CELF2: variants seen among roughly 807,000 people sequenced by gnomAD.
CELF2 encodes the protein CUGBP Elav-like family member 2.
Under a neutral mutation model 62.6 loss-of-function variants are expected in CELF2, and 8 were observed. That is an observed-to-expected ratio of 0.13 (90% CI 0.07 to 0.23). The LOEUF (loss-of-function observed/expected upper bound fraction) is 0.23. CELF2 is among the 10% of genes least tolerant of loss of function. The probability of loss-of-function intolerance (pLI) is 1.00; values close to 1 mark genes in which losing one functional copy is unlikely to be tolerated. For synonymous variants in CELF2, 258 were observed against 250.0 expected, an observed-to-expected ratio of 1.03 and a Z score of -0.30; for missense variants, 333 against 671.0, an observed-to-expected ratio of 0.50 and a Z score of 5.56.
chr10:10,795,077 AT>A (rs2054061124), upstream of CELF2: 1 of 151,874 alleles, frequency 6.6e-6, no homozygotes, highest in Non-Finnish European at 1.5e-5. Context: ...AGTGGGCTTT[AT>A]TTTTGTTTGG....
At position 11,244,658 on chromosome 10, in the gene CELF2, C is replaced by CAAA. The variant is rs35750059; in HGVS notation, c.355-4484_355-4482dup. Among the ~76,000 whole-genome samples, 9 of 142,368 alleles carry CAAA rather than the reference C, an allele frequency of 6.3e-5. No homozygotes were observed. Among genetic ancestry groups the CAAA allele is most frequent in the African/African-American group, 1.3e-4 (5 of 38,764 alleles). The allele number at this position is 142,368 out of a possible 152,430, so 93.4% of individuals were successfully genotyped here. A position where few individuals can be genotyped will look rare whatever the true frequency, so the allele number is the denominator to read the frequency against. On this transcript the variant is annotated intron_variant, in intron 3 of 12. Coordinates refer to ENST00000633077, the MANE Select transcript of CELF2 (RefSeq NM_001326342.2). The surrounding 1 kb of genome is among the most constrained non-coding windows in gnomAD (Gnocchi z 4.2). The stretch of plus-strand genomic sequence containing the variant: ...TAGGTGACAGAGCAAGACTCCGTCT[C>CAAA]AAAAAAAAAAAAACAGCATAAAAAC...
intron 2 of CELF2, among the ~76,000 whole-genome samples, chr10:10,973,281 A>G (rs1446038483): frequency 1.7e-5 from 2 of 120,728 alleles, no homozygotes; most frequent in Non-Finnish European, 3.0e-5. Context: ...ACTCTGTCTC[A>G]AAAAAACAAA....
the CELF2 span, among the ~76,000 whole-genome samples, chr10:10,540,956 G>A: frequency 1.1e-4 from 16 of 152,032 alleles, no homozygotes; most frequent in African/African-American, 1.9e-4. Context: ...AGGCCGAGGC[G>A]TGTGGATCAC....
rs553664382 is a variant in CELF2, at chr10:11,020,036, C to A, written c.74+1873C>A. On this transcript the variant is annotated intron_variant, in intron 1 of 12. Coordinates refer to ENST00000633077, the MANE Select transcript of CELF2 (RefSeq NM_001326342.2). ...GCCTCAGAAAGATGCAGTTTCTTGT[C>A]AATTAAATTATGAATTACAAAAATT... Among the ~76,000 whole-genome samples, 24 of 152,276 alleles carry A rather than the reference C, an allele frequency of 1.6e-4. No homozygotes were observed. The East Asian group carries it at 4.2e-3, about 27-fold the overall frequency.
At chr10:10,838,376 A>G (rs2058448657) in intron 1 of CELF2, among the ~76,000 whole-genome samples, 1 of 152,136 alleles carries the variant, frequency 6.6e-6, no homozygotes, top group Non-Finnish European at 1.5e-5. Context: ...CTACAAAGTT[A>G]TTCTTTCTCC....
At chr10:10,678,708 T>C in the CELF2 span, among the ~76,000 whole-genome samples, 1 of 152,224 alleles carries the variant, frequency 6.6e-6, no homozygotes, top group Non-Finnish European at 1.5e-5. Flanking sequence ...AAAAACTGTT[T>C]TAAGCACACA....
intron 2 of CELF2, among the ~76,000 whole-genome samples, chr10:10,967,583 G>A (rs1480886389): frequency 6.6e-6 from 1 of 152,250 alleles, no homozygotes; most frequent in African/African-American, 2.4e-5. Flanking sequence ...GTGACCCTGA[G>A]TGCAGGAAGG....
chr10:10,853,724 C>T (rs1238100807), intron 1 of CELF2, among the ~76,000 whole-genome samples: 1 of 152,104 alleles, frequency 6.6e-6, no homozygotes, highest in Non-Finnish European at 1.5e-5. Flanking sequence ...GGGAGCTGGC[C>T]TCTCGGTTCT....
the CELF2 span, among the ~76,000 whole-genome samples, chr10:10,593,571 G>T: frequency 6.6e-6 from 1 of 152,178 alleles, no homozygotes; most frequent in African/African-American, 2.4e-5. Context: ...TCAAGGGTGT[G>T]GGCACAGGGA....
intron 1 of CELF2, among the ~76,000 whole-genome samples, chr10:10,813,183 T>C (rs551984255): frequency 6.6e-6 from 1 of 152,352 alleles, no homozygotes; most frequent in African/African-American, 2.4e-5. Flanking sequence ...TGTGTTCAGA[T>C]GTGCTGTCTC....
At chr10:10,720,581 CA>C in the CELF2 span, among the ~76,000 whole-genome samples, 998 of 152,174 alleles carry the variant, frequency 6.6e-3, 3 homozygotes, top group East Asian at 0.021. Context: ...GCTGCAATGC[CA>C]AAGATTGTAT....
intron 1 of CELF2, among the ~76,000 whole-genome samples, chr10:10,844,419 C>G (rs946142185): frequency 2.0e-5 from 3 of 151,976 alleles, no homozygotes; most frequent in Non-Finnish European, 4.4e-5. Context: ...CTGCCTTCTC[C>G]TGGAACAAAA....
At chr10:10,500,242 G>T in the CELF2 span, among the ~76,000 whole-genome samples, 1 of 152,084 alleles carries the variant, frequency 6.6e-6, no homozygotes, top group Admixed American at 6.5e-5. Context: ...GATTATTGTA[G>T]ATTCACATAT....
chr10:11,086,124 C>T (rs73573800), intron 1 of CELF2, among the ~76,000 whole-genome samples: 22,454 of 152,036 alleles, frequency 0.15, 3,142 homozygotes, highest in East Asian at 0.71. Context: ...TTCTAATACA[C>T]GGGATCAAAT....
the CELF2 span, among the ~76,000 whole-genome samples, chr10:10,698,914 G>T: frequency 6.6e-6 from 1 of 152,106 alleles, no homozygotes; most frequent in Non-Finnish European, 1.5e-5. Context: ...CTAGCTTGCA[G>T]TGTGGCTTTA....
the CELF2 span, among the ~76,000 whole-genome samples, chr10:10,659,356 C>T: frequency 2.0e-5 from 3 of 152,144 alleles, no homozygotes; most frequent in Admixed American, 6.5e-5. Flanking sequence ...CTAAAATGCC[C>T]TCAGTATTGC....
the CELF2 span, among the ~76,000 whole-genome samples, chr10:10,475,493 T>C: frequency 6.7e-6 from 1 of 149,464 alleles, no homozygotes; most frequent in South Asian, 2.1e-4. Context: ...AAAAAAAAAG[T>C]AATTTTCTAC....
rs1170477702 is a variant in CELF2, at chr10:11,242,187, T to C, written c.355-6966T>C. Among the ~76,000 whole-genome samples, 2 of 152,218 alleles carry C rather than the reference T, an allele frequency of 1.3e-5. No individual in the cohort carries two copies. Among genetic ancestry groups the C allele is most frequent in the African/African-American group, 4.8e-5 (2 of 41,450 alleles). ...TCTCCAGGGGTCAGGATGGGTTTAA[T>C]AATGAGATGCGTAACAGTGACTCTG... On this transcript the variant is annotated intron_variant, in intron 3 of 12. Transcript: ENST00000633077. This position sits in a 1 kb window ranked among gnomAD's most constrained non-coding sequence, Gnocchi z 4.8.
At chr10:10,517,970 C>T in the CELF2 span, among the ~76,000 whole-genome samples, 1 of 152,198 alleles carries the variant, frequency 6.6e-6, no homozygotes, top group Admixed American at 6.5e-5. Flanking sequence ...CAATGGCCTC[C>T]CTGGCACTGC....
Sources: gnomAD v4.1 joint callset for allele counts (sites outside exome capture counted in the v4.1 genomes callset) on GRCh38, gnomAD v4.1.1 for gene constraint, Gnocchi (gnomAD v3.1) non-coding constraint, MANE v1.5 for transcripts, NCBI Gene and HGNC (gene_info 2026-07-23, HGNC 2026-07-21) for gene names.